Variants in NUP54 observed in about 807,000 individuals in gnomAD.
NUP54 encodes nucleoporin p54.
NUP54 carries 27 observed loss-of-function variants against 66.4 expected under a neutral mutation model. The ratio of observed to expected loss-of-function variants is 0.41; its 90% confidence interval spans 0.30 to 0.56. The LOEUF (loss-of-function observed/expected upper bound fraction) is 0.56. Among genes scored for constraint, NUP54 ranks in the 20% least tolerant of loss-of-function variants. The pLI is 0.34. For missense variants in NUP54, 486 were observed against 596.3 expected (o/e 0.82, Z 1.93); for synonymous variants, 206 against 210.7 (o/e 0.98, Z 0.19).
Position 76,136,211 on chromosome 4 carries a change from T to A in NUP54, c.497A>T (p.Gln166Leu). Reference protein sequence around the residue: ...NNNIPPVEFTQENPFCRFKAV... With the variant: ...NNNIPPVEFTLENPFCRFKAV... ...CTTAAATCGGCAAAAGGGATTTTCT[T>A]GTGTGAATTCCACTGGCGGAATATT... is the stretch of plus-strand genomic sequence containing the variant. Residue 166 changes from glutamine (Q) to leucine (L), a missense_variant, in exon 4 of 12, where the codon CAA becomes CTA. Physicochemically the swap from Gln to Leu is moderately radical, Grantham distance 113 (BLOSUM62 -2). Around this residue, in one of 4 missense-constraint regions of NUP54, gnomAD observed 41 missense variants for 82.7 expected, o/e 0.50. Coordinates refer to ENST00000264883, the MANE Select transcript of NUP54 (RefSeq NM_017426.4). The A allele has an allele frequency of 6.2e-7, 1 of 1,613,780 alleles. No individual in the cohort carries two copies. Among genetic ancestry groups the A allele is most frequent in the Non-Finnish European group, 8.5e-7 (1 of 1,179,694 alleles).
intron 5 of NUP54, 65 bp downstream of exon 5, chr4:76,134,110 T>G (rs1038621800): frequency 1.7e-6 from 2 of 1,167,598 alleles, no homozygotes; most frequent in African/African-American, 3.1e-5. Flanking sequence ...AAAAACATTA[T>G]TGATCACTCC....
Position 76,141,215 on chromosome 4 carries a change from C to T in NUP54, c.295+2934G>A, listed in dbSNP as rs560680168. Among the ~76,000 whole-genome samples the T allele has an allele frequency of 2.0e-5, 3 of 152,210 alleles. No individual in the cohort carries two copies. The South Asian group carries it at 6.2e-4, about 32-fold the overall frequency. On this transcript the variant is annotated intron_variant, in intron 3 of 11. Transcript: ENST00000264883. ...AAGCAGTGGTCCTAACAATGCTGCT[C>T]GCTAATTTATGGTCAAAATCCTACT...
At chr4:76,121,146 T>G (rs1730216957) in intron 9 of NUP54, among the ~76,000 whole-genome samples, 1 of 152,168 alleles carries the variant, frequency 6.6e-6, no homozygotes, top group Non-Finnish European at 1.5e-5. Context: ...AATGCAATGG[T>G]CTAATTTTCT....
intron 6 of NUP54, among the ~76,000 whole-genome samples, chr4:76,132,169 T>C (rs1403626672): frequency 6.6e-6 from 1 of 152,110 alleles, no homozygotes; most frequent in Admixed American, 6.6e-5. Flanking sequence ...ATCCAGAATA[T>C]TTTACAGTTA....
chr4:76,144,807 G>T (rs892891915), intron 1 of NUP54, among the ~76,000 whole-genome samples: 3 of 152,154 alleles, frequency 2.0e-5, no homozygotes, highest in African/African-American at 7.2e-5. Flanking sequence ...TTTAGAGGAG[G>T]TGTTGCAAAT....
intron 3 of NUP54, among the ~76,000 whole-genome samples, chr4:76,143,587 G>C (rs1024003938): frequency 1.3e-5 from 2 of 152,186 alleles, no homozygotes; most frequent in African/African-American, 4.8e-5. Flanking sequence ...CTGGGCGACA[G>C]AGCAAGACTC....
At chr4:76,117,307 T>G (rs902498944) in intron 11 of NUP54, among the ~76,000 whole-genome samples, 1 of 152,184 alleles carries the variant, frequency 6.6e-6, no homozygotes, top group African/African-American at 2.4e-5. Flanking sequence ...TACTACATTT[T>G]GTTTCTCTAT....
At chr4:76,127,305 G>A (rs1483670465) in intron 8 of NUP54, among the ~76,000 whole-genome samples, 3 of 151,688 alleles carry the variant, frequency 2.0e-5, no homozygotes, top group Admixed American at 6.6e-5. Flanking sequence ...GGTGGTGGGC[G>A]CCTGTAGTCC....
At chr4:76,119,544 T>C (rs981780087) in intron 9 of NUP54, among the ~76,000 whole-genome samples, 62 of 38,936 alleles carry the variant, frequency 1.6e-3, no homozygotes, top group Admixed American at 1.9e-3. Context: ...TTTTTTTTCT[T>C]TTTTTTTTTT....
intron 4 of NUP54, 121 bp downstream of exon 4, chr4:76,136,065 A>G: frequency 1.4e-6 from 1 of 695,368 alleles, no homozygotes; most frequent in Non-Finnish European, 2.4e-6. Context: ...TCAAAATAAA[A>G]GTATAATCAT....
intron 3 of NUP54, among the ~76,000 whole-genome samples, chr4:76,141,150 G>A (rs1731253950): frequency 7.5e-6 from 1 of 132,860 alleles, no homozygotes; most frequent in Non-Finnish European, 1.5e-5. Context: ...TAATAAGTAT[G>A]AGGAATACAT....
chr4:76,132,444 AC>A lies in NUP54; in HGVS notation c.907+78del, dbSNP rs576948548. 7.7e-4 allele frequency: 852 copies of A among 1,109,578 alleles called. 15 individuals are homozygous for A. The South Asian group carries it at 0.017, about 22-fold the overall frequency. 68.7% of individuals were successfully genotyped at this position (1,109,578 alleles called of 1,614,324 possible). A position where few individuals can be genotyped will look rare whatever the true frequency, so the allele number is the denominator to read the frequency against. On this transcript the variant is annotated intron_variant, in intron 6 of 11. Coordinates refer to ENST00000264883, the MANE Select transcript of NUP54 (RefSeq NM_017426.4). ...CTAATTTTATTAGCATTAATAACCA[AC>A]CAACACCTCTGAAATACGGGGAGTG... is the stretch of plus-strand genomic sequence containing the variant.
chr4:76,118,165 C>A lies in NUP54; in HGVS notation c.1194G>T (p.Lys398Asn). The change falls in exon 10 of 12, where the codon AAG becomes AAT. Residue 398 changes from lysine to asparagine, a missense_variant. Coordinates refer to ENST00000264883, the MANE Select transcript of NUP54 (RefSeq NM_017426.4). ...QVLIKQEIQRKSGYAIQADEE... is the reference protein window; with the variant it reads ...QVLIKQEIQRNSGYAIQADEE... Reference sequence around the variant, plus strand: ...CATCAGCCTGAATGGCATAACCACTCTTCCTTTGAATTTCCTGTTTGATTA... The same window carrying A: ...CATCAGCCTGAATGGCATAACCACTATTCCTTTGAATTTCCTGTTTGATTA... The A allele has an allele frequency of 6.2e-7, 1 of 1,613,614 alleles. No individual in the cohort carries two copies. The highest frequency in any genetic ancestry group is 8.5e-7 in the Non-Finnish European group (1 of 1,179,596).
rs199883807 is a variant in NUP54 at position 76,120,443 on chromosome 4, T to TC, written c.1165-2250_1165-2249insG. ...TCTCTTTTTTTTTTTTTTTTTTTTTTTCCCCAGATGGAGTTGCACTCTGTC... is the reference window on the plus strand; with the variant it reads ...TCTCTTTTTTTTTTTTTTTTTTTTTTCTCCCCAGATGGAGTTGCACTCTGTC... On this transcript the variant is annotated intron_variant, in intron 9 of 11. Coordinates refer to ENST00000264883, the MANE Select transcript of NUP54 (RefSeq NM_017426.4). Among the ~76,000 whole-genome samples the TC allele has an allele frequency of 4.0e-4, 46 of 116,054 alleles. 1 individual carries two copies. Among genetic ancestry groups the TC allele is most frequent in the East Asian group, 8.4e-4 (3 of 3,584 alleles). 76.1% of individuals were successfully genotyped at this position (116,054 alleles called of 152,430 possible).
At chr4:76,135,559 CA>C (rs1731003716) in intron 4 of NUP54, among the ~76,000 whole-genome samples, 2 of 152,304 alleles carry the variant, frequency 1.3e-5, no homozygotes, top group South Asian at 4.1e-4. Flanking sequence ...CTTACAGCTC[CA>C]AACACAGGGT....
intron 9 of NUP54, among the ~76,000 whole-genome samples, chr4:76,120,290 T>C (rs1054896193): frequency 3.9e-5 from 6 of 152,168 alleles, no homozygotes; most frequent in Admixed American, 6.5e-5. Context: ...AGCTGCTAGA[T>C]TGCTTTTTCA....
intron 9 of NUP54, among the ~76,000 whole-genome samples, chr4:76,123,656 G>A (rs1730334975): frequency 6.6e-6 from 1 of 152,102 alleles, no homozygotes; most frequent in African/African-American, 2.4e-5. Flanking sequence ...GGAACTACAG[G>A]CACAAGCAAC....
At chr4:76,136,477 G>A in intron 3 of NUP54, 65 bp from the exon 4 acceptor site, 2 of 1,304,874 alleles carry the variant, frequency 1.5e-6, no homozygotes, top group East Asian at 2.3e-5. Flanking sequence ...CAGATCCTAG[G>A]CGTGGTAGGC....
At chr4:76,131,825 T>C (rs1333336224) in intron 6 of NUP54, among the ~76,000 whole-genome samples, 1 of 152,134 alleles carries the variant, frequency 6.6e-6, no homozygotes, top group African/African-American at 2.4e-5. Context: ...CTAAGACATG[T>C]TTACAAGGAT....
Sources: allele counts gnomAD v4.1 joint callset (sites outside exome capture counted in the v4.1 genomes callset), GRCh38; gene constraint gnomAD v4.1.1; regional missense constraint gnomAD v4.1.1; transcripts MANE v1.5; gene names NCBI Gene and HGNC (gene_info 2026-07-23, HGNC 2026-07-21).